RAB27B: variants seen among roughly 807,000 people sequenced by gnomAD.
RAB27B encodes the protein RAB27B, member RAS oncogene family, also known as ras-related protein Rab-27B.
In RAB27B, 15 loss-of-function variants were observed where a neutral mutation model predicts 24.6. That is an observed-to-expected ratio of 0.61 (90% CI 0.41 to 0.94). RAB27B has a LOEUF of 0.94. Among genes scored for constraint, RAB27B ranks in the 40% least tolerant of loss-of-function variants. The pLI, the probability that RAB27B is intolerant of heterozygous loss-of-function variation, is 0.00. For synonymous variants in RAB27B, 105 were observed against 92.5 expected (o/e 1.14, Z -0.78); for missense variants, 261 against 266.8 (o/e 0.98, Z 0.15).
intron 1 of RAB27B, among the ~76,000 whole-genome samples, chr18:54,849,686 A>G (rs1382350482): frequency 6.6e-6 from 1 of 152,172 alleles, no homozygotes; most frequent in Admixed American, 6.5e-5. Flanking sequence ...GTTCCACTGC[A>G]CTCCAGCCTG....
At chr18:54,787,846 C>T (rs1229936296) in intron 2 of RAB27B, among the ~76,000 whole-genome samples, 1 of 152,118 alleles carries the variant, frequency 6.6e-6, no homozygotes, top group African/African-American at 2.4e-5. Flanking sequence ...GTGTTCATCA[C>T]TTGTGCCATA....
At chr18:54,870,476 T>C (rs940875409) in intron 1 of RAB27B, among the ~76,000 whole-genome samples, 1 of 152,162 alleles carries the variant, frequency 6.6e-6, no homozygotes, top group African/African-American at 2.4e-5. Flanking sequence ...TCCTCACTGC[T>C]ACTCTTTAAT....
intron 2 of RAB27B, among the ~76,000 whole-genome samples, chr18:54,760,775 C>A (rs1908161713): frequency 6.6e-6 from 1 of 152,056 alleles, no homozygotes; most frequent in African/African-American, 2.4e-5. Flanking sequence ...GCTCAAGAGG[C>A]AACAATGAGG....
intron 2 of RAB27B, among the ~76,000 whole-genome samples, chr18:54,730,167 T>C (rs1909683772): frequency 6.6e-6 from 1 of 152,236 alleles, no homozygotes; most frequent in South Asian, 2.1e-4. Context: ...GGTTGTATCT[T>C]TTATGACGTT....
intron 1 of RAB27B, among the ~76,000 whole-genome samples, chr18:54,835,274 G>A (rs1403469520): frequency 6.6e-6 from 1 of 151,836 alleles, no homozygotes; most frequent in Non-Finnish European, 1.5e-5. Flanking sequence ...TGCCTCCTTG[G>A]AGTAACTTAA....
Position 54,889,516 on chromosome 18 carries a change from T to C in RAB27B, c.*103T>C, listed in dbSNP as rs1913283468. 6 of 1,049,310 alleles carry C rather than the reference T, an allele frequency of 5.7e-6. No homozygotes were observed. The highest frequency in any genetic ancestry group is 8.0e-6 in the Non-Finnish European group (6 of 750,280). 65.0% of individuals were successfully genotyped at this position (1,049,310 alleles called of 1,614,324 possible). On this transcript the variant is annotated 3_prime_UTR_variant, in exon 6 of 6. Transcript: ENST00000262094. ...GTTGAGTAAACCACGCACAATGGCA[T>C]GTCTTTCTTTTTCTGCCAGAAAATC...
Position 54,888,016 on chromosome 18 carries a change from AT to A in RAB27B, c.367del (p.Cys123ValfsTer6), listed in dbSNP as rs1487190294. The A allele has an allele frequency of 1.9e-6, 3 of 1,612,418 alleles. No individual in the cohort carries two copies. Among genetic ancestry groups the A allele is most frequent in the Admixed American group, 1.7e-5 (1 of 59,910 alleles). Reference sequence around the variant, plus strand: ...CAAGGCCAACTGCAAGCAAATGCTTATTGTGAAAATCCAGATATAGTATTAA... The same window carrying A: ...CAAGGCCAACTGCAAGCAAATGCTTATGTGAAAATCCAGATATAGTATTAA... ...NWMSQLQANA[Y>X]CENPDIVLIG... is the part of the protein sequence containing the mutation. On this transcript the variant is annotated frameshift_variant, in exon 5 of 6. Coordinates refer to ENST00000262094, the MANE Select transcript of RAB27B (RefSeq NM_004163.4). LOFTEE classifies it high-confidence loss of function.
chr18:54,826,912 T>C (rs566175662), upstream of RAB27B, among the ~76,000 whole-genome samples: 4 of 152,292 alleles, frequency 2.6e-5, no homozygotes, highest in African/African-American at 9.6e-5. Context: ...CAGGAAATAA[T>C]AGCTATTAGG....
intron 1 of RAB27B, among the ~76,000 whole-genome samples, chr18:54,867,226 G>C (rs945439717): frequency 6.6e-6 from 1 of 152,044 alleles, no homozygotes; most frequent in Non-Finnish European, 1.5e-5. Context: ...GTGCTAAGTG[G>C]GAGAGGTACC....
At chr18:54,799,505 AAAT>A (rs1349458870) in intron 2 of RAB27B, among the ~76,000 whole-genome samples, 18 of 152,220 alleles carry the variant, frequency 1.2e-4, no homozygotes, top group Middle Eastern at 3.4e-3. Context: ...TTATACATGA[AAAT>A]AATAATTTCT....
At chr18:54,818,706 C>T (rs1241753414) in intron 2 of RAB27B, among the ~76,000 whole-genome samples, 2 of 152,094 alleles carry the variant, frequency 1.3e-5, no homozygotes, top group Non-Finnish European at 2.9e-5. Context: ...TCTGAGAAAG[C>T]CCCACAATCA....
chr18:54,854,028 C>T (rs1261458969), intron 1 of RAB27B, among the ~76,000 whole-genome samples: 2 of 152,220 alleles, frequency 1.3e-5, no homozygotes, highest in East Asian at 1.9e-4. Flanking sequence ...TGTTTCAACA[C>T]ATAACTTTAG....
intron 1 of RAB27B, among the ~76,000 whole-genome samples, chr18:54,867,438 T>A (rs560393835): frequency 2.2e-3 from 125 of 57,432 alleles, no homozygotes; most frequent in African/African-American, 5.3e-3. Context: ...TTTTCTTTTC[T>A]TTTCTTTTTT....
chr18:54,818,827 C>T (rs1055799250), intron 2 of RAB27B, among the ~76,000 whole-genome samples: 8 of 152,118 alleles, frequency 5.3e-5, no homozygotes, highest in Non-Finnish European at 7.3e-5. Context: ...TTATCCTAAT[C>T]GTGTTTTTTA....
chr18:54,760,593 G>A (rs940202863), intron 2 of RAB27B, among the ~76,000 whole-genome samples: 1 of 152,184 alleles, frequency 6.6e-6, no homozygotes. Flanking sequence ...AACAGATGAT[G>A]ACTTGAACTT....
chr18:54,742,061 T>C (rs750141032), intron 2 of RAB27B, among the ~76,000 whole-genome samples: 6 of 152,332 alleles, frequency 3.9e-5, no homozygotes, highest in Middle Eastern at 3.4e-3. Context: ...AATGCAGCTT[T>C]TCATAGAGGA....
In RAB27B at chr18:54,753,678, T is replaced by C. The variant is rs187197934; in HGVS notation, c.-20+35537T>C. On this transcript the variant is annotated intron_variant, in intron 2 of 4. Coordinates refer to the RAB27B transcript ENST00000586570. The stretch of plus-strand genomic sequence containing the variant: ...TTTTTCCCTAAAACAAAAACATGTC[T>C]ATAAGCTTTCACAGGTGCATTTAAT... Among the ~76,000 whole-genome samples the C allele has an allele frequency of 1.9e-3, 289 of 152,366 alleles. 2 individuals are homozygous for C. Among genetic ancestry groups the C allele is most frequent in the African/African-American group, 6.4e-3 (265 of 41,586 alleles).
At chr18:54,853,520 T>G (rs528038838) in intron 1 of RAB27B, among the ~76,000 whole-genome samples, 153 of 152,310 alleles carry the variant, frequency 1.0e-3, no homozygotes, top group African/African-American at 3.6e-3. Context: ...CAAAAGATAA[T>G]GCTGTGACAG....
At chr18:54,855,497 A>G (rs1287312354) in intron 1 of RAB27B, among the ~76,000 whole-genome samples, 2 of 152,208 alleles carry the variant, frequency 1.3e-5, no homozygotes. Flanking sequence ...AGCCTTGGAT[A>G]CAAGATAGAA....
Sources: allele counts gnomAD v4.1 joint callset (sites outside exome capture counted in the v4.1 genomes callset), GRCh38; gene constraint gnomAD v4.1.1; transcripts MANE v1.5; gene names NCBI Gene and HGNC (gene_info 2026-07-23, HGNC 2026-07-21).